Variants in RECK observed in about 807,000 individuals in gnomAD.
RECK encodes the protein reversion-inducing cysteine-rich protein with Kazal motifs.
Under a neutral mutation model 115.1 loss-of-function variants are expected in RECK, and 69 were observed. That is an observed-to-expected ratio of 0.60 (90% CI 0.49 to 0.73). The LOEUF (loss-of-function observed/expected upper bound fraction) is 0.73, where lower values mean the gene tolerates loss of function less well. RECK is among the 30% of genes least tolerant of loss of function. The pLI, the probability that RECK is intolerant of heterozygous loss-of-function variation, is 0.00. For missense variants in RECK, 1,047 were observed against 1,203.7 expected, an observed-to-expected ratio of 0.87 and a Z score of 1.93; for synonymous variants, 414 against 419.7, an observed-to-expected ratio of 0.99 and a Z score of 0.17.
chr9:36,052,190 G>T, intron 1 of RECK, 75 bp from the exon 2 acceptor site: 1 of 867,876 alleles, frequency 1.2e-6, no homozygotes. Flanking sequence ...TAAATGGTTT[G>T]TGTAACCATC....
chr9:36,041,230 G>A (rs1403674340), intron 1 of RECK, among the ~76,000 whole-genome samples: 1 of 152,128 alleles, frequency 6.6e-6, no homozygotes, highest in Non-Finnish European at 1.5e-5. Flanking sequence ...ATATATTTGA[G>A]GAAAAAGCAT....
At position 36,112,318 on chromosome 9, in the gene RECK, CTG is replaced by C; in HGVS notation, c.1905_1906del (p.Ala636ArgfsTer31). On this transcript the variant is annotated frameshift_variant, in exon 16 of 21. Transcript: ENST00000377966. LOFTEE classifies it high-confidence loss of function. ...TCCTCTCCTCAGGTCTGCCCTGTAA[CTG>C]TGCAGATCAGTTTGTCCCTGTATGT... ...RRTFTGLPCN[C>X]ADQFVPVCGQ... The C allele has an allele frequency of 3.7e-6, 6 of 1,613,198 alleles. No homozygotes were observed. The highest frequency in any genetic ancestry group is 5.1e-6 in the Non-Finnish European group (6 of 1,179,922).
At chr9:36,089,646 A>T (rs1471451881) in intron 9 of RECK, among the ~76,000 whole-genome samples, 2 of 152,324 alleles carry the variant, frequency 1.3e-5, no homozygotes, top group East Asian at 3.9e-4. Context: ...CATGCACAAA[A>T]TTATTTAAAA....
In RECK at chr9:36,043,962, T is replaced by C. The variant is rs141758368; in HGVS notation, c.100+6864T>C. Among the ~76,000 whole-genome samples the C allele has an allele frequency of 7.0e-4, 106 of 152,238 alleles. No individual in the cohort carries two copies. In the East Asian group the frequency reaches 0.018, roughly 25 times the overall value. ...TCCATTTGAATTTTAGGATTGAAAT[T>C]CAAATTTTAGGAACTAGAATTGTTT... On this transcript the variant is annotated intron_variant, in intron 1 of 20. Transcript: ENST00000377966.
intron 1 of RECK, among the ~76,000 whole-genome samples, chr9:36,037,910 C>T (rs1237426059): frequency 6.6e-6 from 1 of 151,334 alleles, no homozygotes; most frequent in Non-Finnish European, 1.5e-5. Flanking sequence ...AGTGATTCCC[C>T]CTAGCTGTAC....
intron 20 of RECK, 62 bp from the exon 21 acceptor site, chr9:36,122,762 C>T: frequency 2.2e-6 from 3 of 1,365,330 alleles, no homozygotes; most frequent in Non-Finnish European, 3.1e-6. Flanking sequence ...TGGAATTTGT[C>T]TGGCTTGATG....
At chr9:36,064,005 C>T (rs1821890937) in intron 5 of RECK, 125 bp downstream of exon 5, 1 of 801,278 alleles carries the variant, frequency 1.2e-6, no homozygotes, top group Admixed American at 2.5e-5. Context: ...GCAAATTTAG[C>T]ATTTTTTGTA....
intron 9 of RECK, among the ~76,000 whole-genome samples, chr9:36,089,883 C>A (rs1823095870): frequency 6.6e-6 from 1 of 151,702 alleles, no homozygotes; most frequent in South Asian, 2.1e-4. Flanking sequence ...GCCTGTAATT[C>A]CAGGGTGAGG....
chr9:36,114,875 AAAAG>A lies in RECK; in HGVS notation c.2061-2102_2061-2099del, dbSNP rs1463032068. On this transcript the variant is annotated intron_variant, in intron 16 of 20. Transcript: ENST00000377966. Reference sequence around the variant, plus strand: ...AAAACAAAACAAAACAAAAAACACTAAAAGAAAGAAATTGGTAATAGTGGTGCCT... The same window carrying A: ...AAAACAAAACAAAACAAAAAACACTAAAAGAAATTGGTAATAGTGGTGCCT... 2.0e-5 allele frequency among the ~76,000 whole-genome samples: 3 copies of A among 152,042 alleles called. No individual in the cohort carries two copies. In the East Asian group the frequency reaches 5.8e-4, roughly 30 times the overall value.
rs754745207 is a variant in RECK, at chr9:36,083,487, G to A, written c.562G>A (p.Ala188Thr). 50 of 1,613,810 alleles carry A rather than the reference G, an allele frequency of 3.1e-5. No individual in the cohort carries two copies. Among genetic ancestry groups the A allele is most frequent in the Non-Finnish European group, 3.6e-5 (42 of 1,179,954 alleles). The change falls in exon 8 of 21, where the codon GCC becomes ACC. Residue 188 changes from alanine to threonine, a missense_variant. By Grantham distance (58) the Ala-to-Thr change is moderately conservative (BLOSUM62 0). Coordinates refer to ENST00000377966, the MANE Select transcript of RECK (RefSeq NM_021111.3). Reference sequence around the variant, plus strand: ...GATAAAAGCAGTGGAAAATTATTGCGCCTCTATTAGTCCACAATTAATACA... The same window carrying A: ...GATAAAAGCAGTGGAAAATTATTGCACCTCTATTAGTCCACAATTAATACA... ...SQIKAVENYC[A>T]SISPQLIHCV...
rs1820753173 is a variant in RECK at position 36,038,437 on chromosome 9, C to T, written c.100+1339C>T. ...TTACTTTCCTGGGCCCCATTTTTCT[C>T]CCTGTTAAATTAAAAGAGATTGAAC... On this transcript the variant is annotated intron_variant, in intron 1 of 20. Coordinates refer to ENST00000377966, the MANE Select transcript of RECK (RefSeq NM_021111.3). Among the ~76,000 whole-genome samples, 2 of 152,156 alleles carry T rather than the reference C, an allele frequency of 1.3e-5. 1 individual carries two copies. Among genetic ancestry groups the T allele is most frequent in the South Asian group, 4.1e-4 (2 of 4,822 alleles).
chr9:36,064,208 A>G (rs189339006), intron 5 of RECK, among the ~76,000 whole-genome samples: 1 of 152,192 alleles, frequency 6.6e-6, no homozygotes, highest in Admixed American at 6.5e-5. Flanking sequence ...AATGTAGGCT[A>G]TGCTTGGATG....
intron 7 of RECK, 115 bp downstream of exon 7, chr9:36,080,753 C>A (rs1822651832): frequency 2.3e-6 from 2 of 865,926 alleles, no homozygotes; most frequent in Non-Finnish European, 3.6e-6. Context: ...TTAGGTCATT[C>A]ATGTATTATA....
chr9:36,054,089 G>A (rs771960327), intron 2 of RECK, among the ~76,000 whole-genome samples: 5 of 152,198 alleles, frequency 3.3e-5, no homozygotes, highest in Non-Finnish European at 7.3e-5. Flanking sequence ...TATCAGGGGT[G>A]TGGAGAGAGA....
Position 36,112,339 on chromosome 9 carries a change from T to C in RECK, c.1923T>C (p.Pro641=), listed in dbSNP as rs777260816. The change falls in exon 16 of 21, where the codon CCT becomes CCC. Residue 641 remains proline (P), a synonymous_variant. Coordinates refer to ENST00000377966, the MANE Select transcript of RECK (RefSeq NM_021111.3). ...GTAACTGTGCAGATCAGTTTGTCCC[T>C]GTATGTGGGCAGAATGGGCGCACTT... ...LPCNCADQFV[P]VCGQNGRTYP... 1.2e-6 allele frequency: 2 copies of C among 1,613,554 alleles called. No homozygotes were observed. Among genetic ancestry groups the C allele is most frequent in the Non-Finnish European group, 1.7e-6 (2 of 1,179,984 alleles).
intron 17 of RECK, among the ~76,000 whole-genome samples, 199 bp from the exon 18 acceptor site, chr9:36,118,558 T>C (rs1158262271): frequency 6.6e-6 from 1 of 152,134 alleles, no homozygotes; most frequent in African/African-American, 2.4e-5. Flanking sequence ...ATCTTTCAGC[T>C]CATCTGGAGA....
At chr9:36,064,474 GT>G (rs1314832479) in intron 5 of RECK, among the ~76,000 whole-genome samples, 1 of 152,192 alleles carries the variant, frequency 6.6e-6, no homozygotes, top group Non-Finnish European at 1.5e-5. Context: ...TCTACTGCAA[GT>G]GGCAGAAATA....
At chr9:36,118,296 C>A (rs1217615513) in intron 17 of RECK, among the ~76,000 whole-genome samples, 2 of 152,122 alleles carry the variant, frequency 1.3e-5, no homozygotes, top group Non-Finnish European at 2.9e-5. Flanking sequence ...TATTCCTGAC[C>A]TACCTGTTGG....
chr9:36,080,101 G>C (rs965361076), intron 6 of RECK, among the ~76,000 whole-genome samples: 3 of 152,146 alleles, frequency 2.0e-5, no homozygotes, highest in Middle Eastern at 3.2e-3. Flanking sequence ...AGATTTCTGT[G>C]CCTCACCCCT....
Sources: allele counts gnomAD v4.1 joint callset (sites outside exome capture counted in the v4.1 genomes callset), GRCh38; gene constraint gnomAD v4.1.1; transcripts MANE v1.5; gene names NCBI Gene and HGNC (gene_info 2026-07-23, HGNC 2026-07-21).